ZNF699: variants seen among roughly 807,000 people sequenced by gnomAD.
The protein encoded by ZNF699 is hangover homolog.
A neutral mutation model predicts 22.5 loss-of-function variants in ZNF699; 18 were observed. The observed-to-expected ratio is 0.80, with a 90% CI of 0.55 to 1.19. The LOEUF (loss-of-function observed/expected upper bound fraction) is 1.19, where lower values mean the gene tolerates loss of function less well. Among genes scored for constraint, ZNF699 ranks in the 50% most tolerant of loss-of-function variants. ZNF699 has a pLI of 0.00. For missense variants in ZNF699, 670 were observed against 763.4 expected (o/e 0.88, Z 1.44); for synonymous variants, 241 against 262.3 (o/e 0.92, Z 0.78).
In ZNF699 at chr19:9,291,686, C is replaced by T. The variant is rs2066266042; in HGVS notation, c.*3789G>A. On this transcript the variant is annotated 3_prime_UTR_variant, in exon 6 of 6. Transcript: ENST00000591998. ...CAGATCTCAAGTTGATCTTTATGCT[C>T]ATTAAAGATTAAGCAGCAATCTTTT... is the stretch of plus-strand genomic sequence containing the variant. 1 of 149,962 alleles carries T rather than the reference C, an allele frequency of 6.7e-6. No homozygotes were observed. The highest frequency in any genetic ancestry group is 2.1e-4 in the South Asian group (1 of 4,752). The allele number at this position is 149,962 out of a possible 1,614,324, so 9.3% of individuals were successfully genotyped here. A position where few individuals can be genotyped will look rare whatever the true frequency, so the allele number is the denominator to read the frequency against.
chr19:9,297,304 T>A lies in ZNF699; in HGVS notation c.462A>T (p.Arg154Ser), dbSNP rs1427370386. The change falls in exon 5 of 6, where the codon AGA (arginine) becomes AGT (serine). Residue 154 changes from arginine to serine, a missense_variant. Coordinates refer to ENST00000591998, the MANE Select transcript of ZNF699 (RefSeq NM_198535.3). The surrounding 1 kb of genome is among the most constrained non-coding windows in gnomAD (Gnocchi z 4.3). ...TCACGAATGGCACTCACCTCAAATG[T>A]CTCTCATGGCTTTTGTTCTGATAAT... ...GIDYQNKSHE[R>S]HLRNHMVENI... 1 of 1,588,416 alleles carries A rather than the reference T, an allele frequency of 6.3e-7. No individual in the cohort carries two copies. The highest frequency in any genetic ancestry group is 8.5e-7 in the Non-Finnish European group (1 of 1,174,980).
Position 9,297,232 on chromosome 19 carries a change from T to G in ZNF699, c.470+64A>C, listed in dbSNP as rs148106445. On this transcript the variant is annotated intron_variant, in intron 5 of 5. Transcript: ENST00000591998. This position sits in a 1 kb window ranked among gnomAD's most constrained non-coding sequence, Gnocchi z 4.3. ...ATTTATATATACATATTTCTTAAAT[T>G]TCATGACTTTAATTTTAAGATTCTC... 3 of 1,470,698 alleles carry G rather than the reference T, an allele frequency of 2.0e-6. No homozygotes were observed. Among genetic ancestry groups the G allele is most frequent in the East Asian group, 4.8e-5 (2 of 41,626 alleles). 91.1% of individuals were successfully genotyped at this position (1,470,698 alleles called of 1,614,324 possible). A position where few individuals can be genotyped will look rare whatever the true frequency, so the allele number is the denominator to read the frequency against.
rs766542643 is a variant in ZNF699 at position 9,295,676 on chromosome 19, T to C, written c.1728A>G (p.Val576=). The C allele has an allele frequency of 6.2e-7, 1 of 1,614,116 alleles. No individual in the cohort carries two copies. The change falls in exon 6 of 6, where the codon GTA becomes GTG. Residue 576 remains valine, a synonymous_variant. Coordinates refer to ENST00000591998, the MANE Select transcript of ZNF699 (RefSeq NM_198535.3). ...TCTCTCCAGTGTGCATTCTTGCATG[T>C]ACAGTAAGGTATGAAGAATGACGAA... ...KAFRHSSYLT[V]HARMHTGEKP...
chr19:9,305,894 G>C (rs1056009363), intron 1 of ZNF699, among the ~76,000 whole-genome samples: 4 of 151,892 alleles, frequency 2.6e-5, no homozygotes, highest in African/African-American at 9.7e-5. Flanking sequence ...AGTAGGGACG[G>C]TGTTTCACCG....
chr19:9,308,322 AAC>A (rs1325619165), intron 1 of ZNF699, among the ~76,000 whole-genome samples: 1 of 152,036 alleles, frequency 6.6e-6, no homozygotes, highest in Non-Finnish European at 1.5e-5. Flanking sequence ...AAACAACAAC[AAC>A]AAAAAAAAAA....
rs1329209400 is a variant in ZNF699, at chr19:9,293,379, A to G, written c.*2096T>C. Among the ~76,000 whole-genome samples the G allele has an allele frequency of 6.6e-6, 1 of 152,130 alleles. No homozygotes were observed. The highest frequency in any genetic ancestry group is 1.9e-4 in the East Asian group (1 of 5,198). The stretch of plus-strand genomic sequence containing the variant: ...GAATCGATATTTTTTGAAAACTGCA[A>G]TACCTACCAAAACTAAATTTAAAGT... On this transcript the variant is annotated 3_prime_UTR_variant, in exon 6 of 6. Coordinates refer to ENST00000591998, the MANE Select transcript of ZNF699 (RefSeq NM_198535.3).
intron 1 of ZNF699, among the ~76,000 whole-genome samples, chr19:9,306,466 C>G (rs550950162): frequency 1.5e-3 from 220 of 150,994 alleles, no homozygotes; most frequent in African/African-American, 4.3e-3. Flanking sequence ...TTTCAAACAA[C>G]GACATGTTAA....
At chr19:9,303,698 C>G (rs1295505985) in intron 2 of ZNF699, among the ~76,000 whole-genome samples, 1 of 152,194 alleles carries the variant, frequency 6.6e-6, no homozygotes, top group African/African-American at 2.4e-5. Context: ...TTCTGAGTCT[C>G]TCTAGGGGCT....
At position 9,293,535 on chromosome 19, in the gene ZNF699, A is replaced by G. The variant is rs184194854; in HGVS notation, c.*1940T>C. Among the ~76,000 whole-genome samples the G allele has an allele frequency of 7.7e-4, 118 of 152,344 alleles. No individual in the cohort carries two copies. Among genetic ancestry groups the G allele is most frequent in the African/African-American group, 2.7e-3 (112 of 41,586 alleles). On this transcript the variant is annotated 3_prime_UTR_variant, in exon 6 of 6. Transcript: ENST00000591998. ...TGTTGAGCAAAAGAAGTCAAAACACATAACTGTATATATTGTATTTTAACA... is the reference window on the plus strand; with the variant it reads ...TGTTGAGCAAAAGAAGTCAAAACACGTAACTGTATATATTGTATTTTAACA...
Position 9,297,453 on chromosome 19 carries a change from C to A in ZNF699, c.313G>T (p.Glu105Ter). 1.3e-6 allele frequency: 2 copies of A among 1,580,604 alleles called. No homozygotes were observed. Among genetic ancestry groups the A allele is most frequent in the East Asian group, 2.3e-5 (1 of 43,828 alleles). ...CAAATATCTTGTGAAGCAACTGATT[C>A]ATTAGTTTTAAGTTGAGTCTCAAAA... is the stretch of plus-strand genomic sequence containing the variant. Reference protein sequence around the residue: ...EGFETQLKTNESVASQDICGE... With the variant: ...EGFETQLKTN The change falls in exon 5 of 6, where the codon GAA (glutamate) becomes TAA (stop). Residue 105 changes from glutamate to a stop codon, truncating the protein, a stop_gained. Coordinates refer to ENST00000591998, the MANE Select transcript of ZNF699 (RefSeq NM_198535.3). LOFTEE classifies it high-confidence loss of function. The surrounding 1 kb of genome is among the most constrained non-coding windows in gnomAD (Gnocchi z 4.3).
At chr19:9,300,825 T>C (rs2066304392) in intron 3 of ZNF699, among the ~76,000 whole-genome samples, 1 of 152,214 alleles carries the variant, frequency 6.6e-6, no homozygotes. Context: ...ACACAGGATT[T>C]TTACAGCAGT....
In ZNF699 at chr19:9,295,974, C is replaced by T. The variant is rs1457325448; in HGVS notation, c.1430G>A (p.Cys477Tyr). Residue 477 changes from cysteine (C) to tyrosine (Y), a missense_variant, in exon 6 of 6, where the codon TGT becomes TAT. Coordinates refer to ENST00000591998, the MANE Select transcript of ZNF699 (RefSeq NM_198535.3). Reference protein sequence around the residue: ...RDHTGKIQYECKECGKTFSRS... With the variant: ...RDHTGKIQYEYKECGKTFSRS... ...ACTAAAGGTCTTCCCACACTCCTTA[C>T]ATTCATACTGTATCTTTCCAGTGTG... is the stretch of plus-strand genomic sequence containing the variant. The T allele has an allele frequency of 3.1e-6, 5 of 1,614,016 alleles. No homozygotes were observed. Among genetic ancestry groups the T allele is most frequent in the East Asian group, 2.2e-5 (1 of 44,880 alleles).
rs368104161 is a variant in ZNF699, at chr19:9,302,389, A to G, written c.164T>C (p.Leu55Pro). The G allele has an allele frequency of 1.9e-6, 3 of 1,613,722 alleles. No individual in the cohort carries two copies. Among genetic ancestry groups the G allele is most frequent in the African/African-American group, 1.3e-5 (1 of 74,922 alleles). Residue 55 changes from leucine (L) to proline (P), a missense_variant, in exon 3 of 6, where the codon CTG (leucine) becomes CCG (proline). Physicochemically the swap from Leu to Pro is moderately conservative, Grantham distance 98. Transcript: ENST00000591998. ...CTTGCCATTCTTACCTAGTGAGGCCAGGTTCTGGAAGTTTTCCAGCATCAC... is the reference window on the plus strand; with the variant it reads ...CTTGCCATTCTTACCTAGTGAGGCCGGGTTCTGGAAGTTTTCCAGCATCAC... ...RDVMLENFQN[L>P]ASLGYPLHTP...
chr19:9,306,155 A>G (rs1302550054), intron 1 of ZNF699, among the ~76,000 whole-genome samples: 1 of 151,912 alleles, frequency 6.6e-6, no homozygotes, highest in Non-Finnish European at 1.5e-5. Flanking sequence ...GCACTTTGGG[A>G]GGCCGAGGTG....
chr19:9,301,482 G>T (rs912063844), intron 3 of ZNF699, among the ~76,000 whole-genome samples: 3 of 152,168 alleles, frequency 2.0e-5, no homozygotes, highest in Non-Finnish European at 2.9e-5. Context: ...CAGAAATGCT[G>T]TGAAGGAAAA....
Position 9,297,552 on chromosome 19 carries a change from AT to A in ZNF699, c.287-74del. The A allele has an allele frequency of 8.1e-7, 1 of 1,234,088 alleles. No homozygotes were observed. The highest frequency in any genetic ancestry group is 1.1e-6 in the Non-Finnish European group (1 of 893,466). The allele number at this position is 1,234,088 out of a possible 1,614,324, so 76.4% of individuals were successfully genotyped here. A position where few individuals can be genotyped will look rare whatever the true frequency, so the allele number is the denominator to read the frequency against. The stretch of plus-strand genomic sequence containing the variant: ...AGAGTGACTATTTCAGGACTTTGGT[AT>A]TAATAGGCACAAGGGTCAAAATGGT... On this transcript the variant is annotated intron_variant, in intron 4 of 5. Transcript: ENST00000591998. The surrounding 1 kb of genome is among the most constrained non-coding windows in gnomAD (Gnocchi z 4.3).
At chr19:9,305,285 A>ACACACACACACACG (rs1399162764) in intron 1 of ZNF699, among the ~76,000 whole-genome samples, 161 bp from the exon 2 acceptor site, 23 of 152,002 alleles carry the variant, frequency 1.5e-4, no homozygotes, top group African/African-American at 5.6e-4. Flanking sequence ...ACACACACAC[A>ACACACACACACACG]CATGCACACA....
At position 9,297,507 on chromosome 19, in the gene ZNF699, A is replaced by G. The variant is rs776381802; in HGVS notation, c.287-28T>C. 1 of 1,535,384 alleles carries G rather than the reference A, an allele frequency of 6.5e-7. No homozygotes were observed. The highest frequency in any genetic ancestry group is 2.4e-5 in the Admixed American group (1 of 41,990). On this transcript the variant is annotated intron_variant, in intron 4 of 5. Transcript: ENST00000591998. The surrounding 1 kb of genome is among the most constrained non-coding windows in gnomAD (Gnocchi z 4.3). Reference sequence around the variant, plus strand: ...GAAACGAAAAAAAGTGAAAGCTTCCATGAGCCAAGGACTTTTAGCAGAGTG... The same window carrying G: ...GAAACGAAAAAAAGTGAAAGCTTCCGTGAGCCAAGGACTTTTAGCAGAGTG...
At chr19:9,305,049 G>A (rs1169539158) in intron 2 of ZNF699, 23 bp downstream of exon 2, 3 of 1,597,286 alleles carry the variant, frequency 1.9e-6, no homozygotes, top group East Asian at 2.2e-5. Context: ...TATTCTTTTG[G>A]ACAATTATCA....
Sources: allele counts gnomAD v4.1 joint callset (sites outside exome capture counted in the v4.1 genomes callset), GRCh38; gene constraint gnomAD v4.1.1; non-coding constraint Gnocchi (gnomAD v3.1); transcripts MANE v1.5; gene names NCBI Gene and HGNC (gene_info 2026-07-23, HGNC 2026-07-21).